Variants in MKLN1 observed in about 807,000 individuals in gnomAD.
MKLN1 encodes muskelin 1.
A neutral mutation model predicts 99.0 loss-of-function variants in MKLN1; 18 were observed. That is an observed-to-expected ratio of 0.18 (90% CI 0.13 to 0.27). The LOEUF (loss-of-function observed/expected upper bound fraction) is 0.27, where lower values mean the gene tolerates loss of function less well. MKLN1 is among the 10% of genes least tolerant of loss of function. The pLI is 1.00. For missense variants in MKLN1, 621 were observed against 875.9 expected (o/e 0.71, Z 3.67); for synonymous variants, 288 against 293.2 (o/e 0.98, Z 0.18).
At chr7:131,355,133 A>G (rs1799835669) in intron 1 of MKLN1, among the ~76,000 whole-genome samples, 2 of 152,030 alleles carry the variant, frequency 1.3e-5, no homozygotes, top group African/African-American at 4.8e-5. Flanking sequence ...ATTCATGTAT[A>G]AATATCTTGC....
At chr7:131,224,315 G>A (rs879882580) in intron 3 of MKLN1, among the ~76,000 whole-genome samples, 3 of 151,262 alleles carry the variant, frequency 2.0e-5, no homozygotes, top group Non-Finnish European at 4.4e-5. Flanking sequence ...GGAGGCCAAG[G>A]TGGGCAGATC....
At chr7:131,131,956 A>G (rs1795558476) in intron 1 of MKLN1, among the ~76,000 whole-genome samples, 1 of 152,232 alleles carries the variant, frequency 6.6e-6, no homozygotes, top group Admixed American at 6.5e-5. Flanking sequence ...CAGAGATCAC[A>G]TGACATGTTC....
chr7:131,363,467 A>G (rs1241195925), intron 1 of MKLN1, among the ~76,000 whole-genome samples: 2 of 151,976 alleles, frequency 1.3e-5, no homozygotes, highest in East Asian at 1.9e-4. Flanking sequence ...CATGAAAGTA[A>G]GAGAGTATTT....
chr7:131,482,854 A>G (rs1205435850), intron 17 of MKLN1, among the ~76,000 whole-genome samples: 1 of 152,238 alleles, frequency 6.6e-6, no homozygotes, highest in Non-Finnish European at 1.5e-5. Flanking sequence ...GTCTTAACGC[A>G]TGATTATCCC....
At chr7:131,367,117 G>C (rs763572444) in intron 1 of MKLN1, among the ~76,000 whole-genome samples, 1 of 152,166 alleles carries the variant, frequency 6.6e-6, no homozygotes, top group African/African-American at 2.4e-5. Flanking sequence ...TCTCATAGAA[G>C]AATTTAATTA....
At chr7:131,168,946 C>A (rs1042925980) in intron 2 of MKLN1, among the ~76,000 whole-genome samples, 1 of 151,868 alleles carries the variant, frequency 6.6e-6, no homozygotes, top group Non-Finnish European at 1.5e-5. Context: ...TGGCTCACCG[C>A]AACCTCCACC....
intron 2 of MKLN1, among the ~76,000 whole-genome samples, chr7:131,188,847 C>T (rs937200609): frequency 2.6e-5 from 4 of 151,960 alleles, no homozygotes; most frequent in East Asian, 1.9e-4. Context: ...TGGTCTAAAG[C>T]GGAAAGAACG....
chr7:131,397,544 C>T (rs1323165742), intron 5 of MKLN1, among the ~76,000 whole-genome samples, 168 bp downstream of exon 5: 1 of 152,176 alleles, frequency 6.6e-6, no homozygotes, highest in Non-Finnish European at 1.5e-5. Flanking sequence ...ATCCTGATAA[C>T]TCACTTAGTC....
intron 3 of MKLN1, among the ~76,000 whole-genome samples, chr7:131,292,251 A>G (rs888701678): frequency 3.9e-4 from 59 of 152,326 alleles, no homozygotes; most frequent in African/African-American, 1.3e-3. Context: ...AAAGTGATTT[A>G]AAAAGTTGGG....
chr7:131,253,587 C>T (rs1797613812), intron 3 of MKLN1, among the ~76,000 whole-genome samples: 1 of 152,168 alleles, frequency 6.6e-6, no homozygotes, highest in Non-Finnish European at 1.5e-5. Context: ...GAGACCACTG[C>T]CCACACCCAG....
At chr7:131,128,847 C>T (rs954330559) in intron 1 of MKLN1, among the ~76,000 whole-genome samples, 11 of 151,174 alleles carry the variant, frequency 7.3e-5, no homozygotes, top group African/African-American at 2.7e-4. Flanking sequence ...TGATCCTTCC[C>T]CTTCAGCCTC....
At chr7:131,322,308 A>G (rs1238346882) in intron 3 of MKLN1, among the ~76,000 whole-genome samples, 3 of 152,212 alleles carry the variant, frequency 2.0e-5, no homozygotes, top group Non-Finnish European at 2.9e-5. Context: ...TAAAGACATG[A>G]TAAGATTTAA....
At chr7:131,137,910 T>G (rs958921807) in intron 1 of MKLN1, among the ~76,000 whole-genome samples, 8 of 137,070 alleles carry the variant, frequency 5.8e-5, no homozygotes, top group African/African-American at 1.6e-4. Context: ...GTCTTGTCTT[T>G]TCTTTCTTTC....
At chr7:131,386,564 G>A (rs1052348443) in intron 2 of MKLN1, among the ~76,000 whole-genome samples, 13 of 152,082 alleles carry the variant, frequency 8.5e-5, no homozygotes, top group African/African-American at 1.4e-4. Flanking sequence ...TCTGCGTGAT[G>A]TTCTCTATTT....
chr7:131,445,699 T>C (rs1409494441), intron 11 of MKLN1, 75 bp from the exon 12 acceptor site: 1 of 1,315,926 alleles, frequency 7.6e-7, no homozygotes, highest in Non-Finnish European at 1.0e-6. Flanking sequence ...GAGGTTTAAG[T>C]TTTTAAAGGA....
intron 1 of MKLN1, among the ~76,000 whole-genome samples, chr7:131,341,895 C>T (rs73488962): frequency 0.05 from 7,587 of 152,274 alleles, 255 homozygotes; most frequent in East Asian, 0.19. Context: ...CACCGCCACT[C>T]ACCTCCTGCT....
intron 3 of MKLN1, among the ~76,000 whole-genome samples, chr7:131,297,583 A>G (rs1798312438): frequency 6.6e-6 from 1 of 152,082 alleles, no homozygotes; most frequent in Non-Finnish European, 1.5e-5. Flanking sequence ...CACTCCCCCG[A>G]AGTCTACTGA....
rs570035839 is a variant in MKLN1 at position 131,297,410 on chromosome 7, A to T, written c.-178-78014A>T. ...TGTGTGTGTATATATATACACAAAT[A>T]CTCTGTGTGTGTGTGTGTACATACA... On this transcript the variant is annotated intron_variant, in intron 3 of 7. Transcript: ENST00000416992. Among the ~76,000 whole-genome samples, 196 of 73,678 alleles carry T rather than the reference A, an allele frequency of 2.7e-3. 1 individual carries two copies. Among genetic ancestry groups the T allele is most frequent in the African/African-American group, 7.2e-3 (180 of 24,990 alleles). The allele number at this position is 73,678 out of a possible 152,430, so 48.3% of individuals were successfully genotyped here.
At chr7:131,143,264 C>T (rs1363424816) in intron 2 of MKLN1, among the ~76,000 whole-genome samples, 1 of 151,594 alleles carries the variant, frequency 6.6e-6, no homozygotes, top group Non-Finnish European at 1.5e-5. Context: ...GTCAGGAGTT[C>T]GAGACCAGCC....
Sources: gnomAD v4.1 joint callset for allele counts (sites outside exome capture counted in the v4.1 genomes callset) on GRCh38, gnomAD v4.1.1 for gene constraint, MANE v1.5 for transcripts, NCBI Gene and HGNC (gene_info 2026-07-23, HGNC 2026-07-21) for gene names.